The following NECTIN2 variants were observed in gnomAD, a reference collection of about 807,000 sequenced individuals.
The protein encoded by NECTIN2 is nectin cell adhesion molecule 2.
A neutral mutation model predicts 56.9 loss-of-function variants in NECTIN2; 23 were observed. That is an observed-to-expected ratio of 0.40 (90% CI 0.29 to 0.57). The LOEUF (loss-of-function observed/expected upper bound fraction) is 0.57, where lower values mean the gene tolerates loss of function less well. NECTIN2 is among the 20% of genes least tolerant of loss of function. NECTIN2 has a pLI of 0.38. For synonymous variants in NECTIN2, 302 were observed against 313.8 expected (o/e 0.96, Z 0.40); for missense variants, 587 against 718.3 (o/e 0.82, Z 2.09).
At chr19:44,887,054 A>G (rs1969369144) in intron 8 of NECTIN2, among the ~76,000 whole-genome samples, 1 of 151,608 alleles carries the variant, frequency 6.6e-6, no homozygotes, top group African/African-American at 2.4e-5. Context: ...TAGGTCAATG[A>G]AAATTGATTA....
Position 44,886,123 on chromosome 19 carries a change from C to T in NECTIN2, c.1261-10C>T. On this transcript the variant is annotated splice_polypyrimidine_tract_variant and intron_variant, in intron 7 of 8. Transcript: ENST00000252483. The stretch of plus-strand genomic sequence containing the variant: ...CAGTTCCTGACCTCCCCGCCCCTCT[C>T]CCACTACAGCCCTCCCAGCTCTTCA... 1.2e-6 allele frequency: 2 copies of T among 1,608,514 alleles called. No homozygotes were observed. Among genetic ancestry groups the T allele is most frequent in the South Asian group, 1.1e-5 (1 of 90,890 alleles).
chr19:44,871,746 G>A, intron 2 of NECTIN2, 107 bp from the exon 3 acceptor site: 1 of 1,255,688 alleles, frequency 8.0e-7, no homozygotes, highest in Non-Finnish European at 1.1e-6. Flanking sequence ...AGCAGAGCTG[G>A]GATTGGAACC....
At chr19:44,871,497 GAGACCAGGTGAC>G (rs1218726628) in intron 2 of NECTIN2, among the ~76,000 whole-genome samples, 6 of 152,060 alleles carry the variant, frequency 3.9e-5, no homozygotes, top group Admixed American at 3.9e-4. Flanking sequence ...CACTGCACTC[GAGACCAGGTGAC>G]AGAGCGGGCC....
chr19:44,857,625 C>T (rs1226457360), intron 1 of NECTIN2, among the ~76,000 whole-genome samples: 1 of 152,124 alleles, frequency 6.6e-6, no homozygotes, highest in Admixed American at 6.6e-5. Context: ...TGGTCTCGAA[C>T]TCCTGACCTC....
In NECTIN2 at chr19:44,888,681, C is replaced by T. The variant is rs1339964588; in HGVS notation, c.*302C>T. ...TGTGACCTTAGACCATACCTCTCAC[C>T]CCCCAATGCCTCGACTCCCCCAAAA... On this transcript the variant is annotated 3_prime_UTR_variant, in exon 9 of 9. Transcript: ENST00000252483. 16 of 392,086 alleles carry T rather than the reference C, an allele frequency of 4.1e-5. No individual in the cohort carries two copies. The highest frequency in any genetic ancestry group is 5.6e-5 in the Non-Finnish European group (12 of 213,984). The allele number at this position is 392,086 out of a possible 1,614,324, so 24.3% of individuals were successfully genotyped here. A position where few individuals can be genotyped will look rare whatever the true frequency, so the allele number is the denominator to read the frequency against.
intron 1 of NECTIN2, among the ~76,000 whole-genome samples, chr19:44,864,042 A>AT (rs1599915155): frequency 6.6e-6 from 1 of 151,318 alleles, no homozygotes; most frequent in Admixed American, 6.6e-5. Context: ...TCTTATGAAA[A>AT]TTTTGGGGTG....
At position 44,887,306 on chromosome 19, in the gene NECTIN2, G is replaced by T. The variant is rs549755568; in HGVS notation, c.1348-804G>T. On this transcript the variant is annotated intron_variant, in intron 8 of 8. Coordinates refer to ENST00000252483, the MANE Select transcript of NECTIN2 (RefSeq NM_001042724.2). ...AGAAGTTGCAATGAGCTGAGACCAC[G>T]CCACTGCACTCCAGCCTAGGCAACA... 7.5e-5 allele frequency among the ~76,000 whole-genome samples: 11 copies of T among 146,302 alleles called. No homozygotes were observed. In the Admixed American group the frequency reaches 7.5e-4, roughly 10 times the overall value.
At chr19:44,872,299 C>A (rs1043531444) in intron 3 of NECTIN2, 150 bp downstream of exon 3, 12 of 799,566 alleles carry the variant, frequency 1.5e-5, no homozygotes, top group Non-Finnish European at 2.3e-5. Context: ...ACACTGGCTC[C>A]CATGGGCAAA....
chr19:44,853,495 C>T (rs1419599064), intron 1 of NECTIN2, among the ~76,000 whole-genome samples: 1 of 135,364 alleles, frequency 7.4e-6, no homozygotes, highest in East Asian at 2.3e-4. Context: ...ACAGCTGGCC[C>T]TTTTTTTTTT....
chr19:44,867,769 G>A (rs1969118541), intron 2 of NECTIN2, among the ~76,000 whole-genome samples: 1 of 152,170 alleles, frequency 6.6e-6, no homozygotes, highest in Admixed American at 6.5e-5. Context: ...GGCTTCACAG[G>A]TGGAGGCGAG....
At position 44,871,889 on chromosome 19, in the gene NECTIN2, C is replaced by T. The variant is rs566602071; in HGVS notation, c.515C>T (p.Thr172Met). ...PKNQAEAQKVTFSQDPTTVAL... is the reference protein window; with the variant it reads ...PKNQAEAQKVMFSQDPTTVAL... ...AACCAAGCTGAGGCCCAGAAGGTCACGTTCAGCCAGGACCCTACGACAGTG... is the reference window on the plus strand; with the variant it reads ...AACCAAGCTGAGGCCCAGAAGGTCATGTTCAGCCAGGACCCTACGACAGTG... Residue 172 changes from threonine to methionine, a missense_variant, in exon 3 of 9, where the codon ACG (threonine) becomes ATG (methionine). Coordinates refer to ENST00000252483, the MANE Select transcript of NECTIN2 (RefSeq NM_001042724.2). 19 of 1,614,082 alleles carry T rather than the reference C, an allele frequency of 1.2e-5. No individual in the cohort carries two copies. In the South Asian group the frequency reaches 1.8e-4, roughly 15 times the overall value.
chr19:44,877,421 G>T (rs929160995), intron 5 of NECTIN2, among the ~76,000 whole-genome samples: 1 of 151,882 alleles, frequency 6.6e-6, no homozygotes, highest in African/African-American at 2.4e-5. Flanking sequence ...CTCTCTCTCC[G>T]CCTCCCCACT....
chr19:44,876,779 T>A (rs1568597323), intron 5 of NECTIN2, among the ~76,000 whole-genome samples: 1 of 152,122 alleles, frequency 6.6e-6, no homozygotes, highest in Non-Finnish European at 1.5e-5. Flanking sequence ...AGGGTCTCGC[T>A]ATGTTGGCCA....
At chr19:44,847,806 A>AGAGC (rs549245538) in intron 1 of NECTIN2, among the ~76,000 whole-genome samples, 1,670 of 152,216 alleles carry the variant, frequency 0.011, 26 homozygotes, top group African/African-American at 0.039. Flanking sequence ...CTTTGTCCTC[A>AGAGC]GAGCCATAGC....
chr19:44,862,031 G>A (rs571915269), intron 1 of NECTIN2, among the ~76,000 whole-genome samples: 18 of 152,268 alleles, frequency 1.2e-4, no homozygotes, highest in African/African-American at 4.3e-4. Context: ...CTATTACAAA[G>A]ATACATGTAT....
Position 44,865,762 on chromosome 19 carries a change from C to A in NECTIN2, c.478+102C>A. ...CTCTTGGCTTCAGCTGTGAGGTTCA[C>A]ATTCTCTGTGGGTTTCCATCCATCA... On this transcript the variant is annotated intron_variant, in intron 2 of 8. Coordinates refer to ENST00000252483, the MANE Select transcript of NECTIN2 (RefSeq NM_001042724.2). The surrounding 1 kb of genome is among the most constrained non-coding windows in gnomAD (Gnocchi z 5.2). The A allele has an allele frequency of 7.8e-7, 1 of 1,289,472 alleles. No homozygotes were observed. The highest frequency in any genetic ancestry group is 1.0e-6 in the Non-Finnish European group (1 of 967,810). The allele number at this position is 1,289,472 out of a possible 1,614,324, so 79.9% of individuals were successfully genotyped here.
chr19:44,880,475 CTTTTTTT>C (rs4013742), intron 5 of NECTIN2, among the ~76,000 whole-genome samples: 3 of 68,876 alleles, frequency 4.4e-5, no homozygotes, highest in African/African-American at 2.0e-4. Flanking sequence ...CCTGTCTTGC[CTTTTTTT>C]TTTTTTTTTT....
chr19:44,874,985 G>A lies in NECTIN2; in HGVS notation c.1042+507G>A, dbSNP rs1001513858. Among the ~76,000 whole-genome samples, 1 of 152,134 alleles carries A rather than the reference G, an allele frequency of 6.6e-6. No homozygotes were observed. Among genetic ancestry groups the A allele is most frequent in the Non-Finnish European group, 1.5e-5 (1 of 68,036 alleles). ...GGGCCACACACCTAGAGCGCGGCCGGGACTGTTAACAGAGCCATGCTTCCT... is the reference window on the plus strand; with the variant it reads ...GGGCCACACACCTAGAGCGCGGCCGAGACTGTTAACAGAGCCATGCTTCCT... On this transcript the variant is annotated intron_variant, in intron 5 of 8. Coordinates refer to ENST00000252483, the MANE Select transcript of NECTIN2 (RefSeq NM_001042724.2). This position sits in a 1 kb window ranked among gnomAD's most constrained non-coding sequence, Gnocchi z 6.3.
chr19:44,871,759 G>A (rs954340333), intron 2 of NECTIN2, 94 bp from the exon 3 acceptor site: 20 of 1,374,734 alleles, frequency 1.5e-5, no homozygotes, highest in African/African-American at 4.4e-5. Flanking sequence ...TTGGAACCCC[G>A]GCAGTTAGGG....
Sources: allele counts gnomAD v4.1 joint callset (sites outside exome capture counted in the v4.1 genomes callset), GRCh38; gene constraint gnomAD v4.1.1; non-coding constraint Gnocchi (gnomAD v3.1); transcripts MANE v1.5; gene names NCBI Gene and HGNC (gene_info 2026-07-23, HGNC 2026-07-21).